Variants in LYPD6 observed in about 807,000 individuals in gnomAD.
LYPD6 encodes LY6/PLAUR domain containing 6.
A neutral mutation model predicts 22.7 loss-of-function variants in LYPD6; 15 were observed. The observed-to-expected ratio is 0.66, with a 90% CI of 0.44 to 1.02. The LOEUF (loss-of-function observed/expected upper bound fraction) is 1.02, where lower values mean the gene tolerates loss of function less well. LYPD6 is among the 50% of genes least tolerant of loss of function. The pLI is 0.00. For missense variants in LYPD6, 189 were observed against 208.4 expected (o/e 0.91, Z 0.57); for synonymous variants, 72 against 77.5 (o/e 0.93, Z 0.37).
intron 2 of LYPD6, among the ~76,000 whole-genome samples, chr2:149,441,071 GT>G (rs781275492): frequency 3.3e-5 from 5 of 152,108 alleles, no homozygotes; most frequent in Non-Finnish European, 5.9e-5. Context: ...AGTTTGTGGT[GT>G]GTGTTTTCAC....
intron 1 of LYPD6, among the ~76,000 whole-genome samples, chr2:149,408,060 C>G (rs138020461): frequency 0.022 from 3,370 of 152,262 alleles, 104 homozygotes; most frequent in African/African-American, 0.077. Context: ...TTTTCGTGAT[C>G]TGCGAATGCT....
At chr2:149,408,143 A>T (rs1222248188) in intron 1 of LYPD6, among the ~76,000 whole-genome samples, 1 of 151,890 alleles carries the variant, frequency 6.6e-6, no homozygotes, top group Non-Finnish European at 1.5e-5. Flanking sequence ...GTCTGCCCCT[A>T]CTTGGGGGTG....
intron 1 of LYPD6, among the ~76,000 whole-genome samples, chr2:149,374,387 T>C (rs1171830868): frequency 6.6e-6 from 1 of 152,134 alleles, no homozygotes; most frequent in East Asian, 1.9e-4. Flanking sequence ...AAAAGTAGAG[T>C]AGATGTGTGA....
At chr2:149,484,940 G>A in the LYPD6 span, among the ~76,000 whole-genome samples, 1,684 of 152,282 alleles carry the variant, frequency 0.011, 35 homozygotes, top group African/African-American at 0.038. Context: ...CCCAACAAAA[G>A]TTGGAAACTT....
intron 1 of LYPD6, 51 bp from the exon 2 acceptor site, chr2:149,437,587 C>CTG (rs910798196): frequency 1.7e-4 from 250 of 1,514,442 alleles, no homozygotes; most frequent in Non-Finnish European, 2.1e-4. Context: ...GCCAAGCCTC[C>CTG]TGTGGCTTTC....
intron 1 of LYPD6, among the ~76,000 whole-genome samples, chr2:149,392,431 G>T (rs1393369464): frequency 6.6e-6 from 1 of 152,174 alleles, no homozygotes; most frequent in Non-Finnish European, 1.5e-5. Flanking sequence ...TGTCTCAGTG[G>T]TTTGTTTGGA....
intron 1 of LYPD6, among the ~76,000 whole-genome samples, chr2:149,428,717 AC>A (rs1683239013): frequency 6.6e-6 from 1 of 152,186 alleles, no homozygotes; most frequent in African/African-American, 2.4e-5. Context: ...TTAGCAGAAG[AC>A]CCGTTCCCGT....
At chr2:149,376,430 G>A (rs1039096761) in intron 1 of LYPD6, among the ~76,000 whole-genome samples, 13 of 151,946 alleles carry the variant, frequency 8.6e-5, no homozygotes, top group African/African-American at 2.9e-4. Flanking sequence ...CTGCTCAGTA[G>A]GGGGGTCTTC....
At chr2:149,445,689 A>G (rs1039176971) in intron 2 of LYPD6, among the ~76,000 whole-genome samples, 3 of 152,232 alleles carry the variant, frequency 2.0e-5, no homozygotes, top group African/African-American at 4.8e-5. Context: ...AGAACTAATA[A>G]GAGTTAGGAC....
At chr2:149,449,403 G>A (rs1219554904) in intron 3 of LYPD6, among the ~76,000 whole-genome samples, 2 of 152,090 alleles carry the variant, frequency 1.3e-5, no homozygotes, top group African/African-American at 4.8e-5. Flanking sequence ...CTGTACCCCC[G>A]GGCCCAGTCA....
At chr2:149,396,068 T>A (rs1374398955) in intron 1 of LYPD6, among the ~76,000 whole-genome samples, 1 of 152,232 alleles carries the variant, frequency 6.6e-6, no homozygotes, top group African/African-American at 2.4e-5. Context: ...TAGTTTTCTT[T>A]TATTGTACTG....
intron 1 of LYPD6, among the ~76,000 whole-genome samples, chr2:149,414,646 C>A (rs1243528188): frequency 6.6e-6 from 1 of 151,988 alleles, no homozygotes; most frequent in Admixed American, 6.6e-5. Flanking sequence ...GGGCTTGGCC[C>A]GTATTGAATT....
intron 3 of LYPD6, among the ~76,000 whole-genome samples, chr2:149,460,573 G>T (rs376786004): frequency 6.6e-6 from 1 of 152,014 alleles, no homozygotes; most frequent in Admixed American, 6.6e-5. Context: ...AAAACTGATA[G>T]AACTACAGAA....
chr2:149,413,395 G>T (rs1682894092), intron 1 of LYPD6, among the ~76,000 whole-genome samples: 1 of 152,188 alleles, frequency 6.6e-6, no homozygotes, highest in African/African-American at 2.4e-5. Context: ...AAAGAAAAGT[G>T]AAATGACGAG....
At chr2:149,443,931 T>TTC (rs1491236508) in intron 2 of LYPD6, among the ~76,000 whole-genome samples, 2 of 75,482 alleles carry the variant, frequency 2.6e-5, no homozygotes, top group Non-Finnish European at 4.5e-5. Context: ...TGTGCATATC[T>TTC]TTTTTTTTTT....
intron 3 of LYPD6, among the ~76,000 whole-genome samples, chr2:149,466,147 C>T (rs1573831151): frequency 3.9e-5 from 6 of 152,144 alleles, no homozygotes. Context: ...CCTAGTTCTA[C>T]TTGGGAAATT....
At chr2:149,331,759 G>A (rs2105039759) in intron 1 of LYPD6, among the ~76,000 whole-genome samples, 1 of 152,326 alleles carries the variant, frequency 6.6e-6, no homozygotes, top group South Asian at 2.1e-4. Context: ...ACCTACCCAA[G>A]GTGTGACCTC....
At chr2:149,363,512 T>C (rs1371760911) in intron 1 of LYPD6, among the ~76,000 whole-genome samples, 1 of 152,194 alleles carries the variant, frequency 6.6e-6, no homozygotes, top group Non-Finnish European at 1.5e-5. Context: ...TCATGTCACA[T>C]ATATGCAATT....
chr2:149,406,565 ATTT>A (rs1682714507), intron 1 of LYPD6, among the ~76,000 whole-genome samples: 1 of 151,302 alleles, frequency 6.6e-6, no homozygotes, highest in Admixed American at 6.6e-5. Context: ...CCCCTGCCTT[ATTT>A]GTTTTCCATT....
Sources: gnomAD v4.1 joint callset for allele counts (sites outside exome capture counted in the v4.1 genomes callset) on GRCh38, gnomAD v4.1.1 for gene constraint, MANE v1.5 for transcripts, NCBI Gene and HGNC (gene_info 2026-07-23, HGNC 2026-07-21) for gene names.